BLK: variants seen among roughly 807,000 people sequenced by gnomAD.
The protein encoded by BLK is BLK proto-oncogene, Src family tyrosine kinase, also known as tyrosine-protein kinase Blk.
Under a neutral mutation model 61.8 loss-of-function variants are expected in BLK, and 64 were observed. That is an observed-to-expected ratio of 1.03 (90% CI 0.85 to 1.27). BLK has a LOEUF of 1.27. Ranked by LOEUF, BLK falls within the 50% of genes most tolerant of loss-of-function variation. The probability of loss-of-function intolerance (pLI) is 0.00; values close to 1 mark genes in which losing one functional copy is unlikely to be tolerated. For missense variants in BLK, 853 were observed against 660.5 expected, an observed-to-expected ratio of 1.29 and a Z score of -3.19; for synonymous variants, 351 against 272.0, an observed-to-expected ratio of 1.29 and a Z score of -2.86.
At chr8:11,505,683 T>C (rs1798745758) in intron 1 of BLK, among the ~76,000 whole-genome samples, 1 of 152,186 alleles carries the variant, frequency 6.6e-6, no homozygotes, top group African/African-American at 2.4e-5. Flanking sequence ...AAAACTCAAA[T>C]GTGGCCCTAT....
At chr8:11,560,608 C>G (rs1801464045) in intron 10 of BLK, 1 of 337,636 alleles carries the variant, frequency 3.0e-6, no homozygotes, top group South Asian at 2.3e-5. Flanking sequence ...CCAAGTAGCA[C>G]CAGCTGCTAT....
intron 1 of BLK, among the ~76,000 whole-genome samples, chr8:11,536,493 C>T (rs1196296463): frequency 2.6e-5 from 4 of 152,166 alleles, no homozygotes; most frequent in Non-Finnish European, 2.9e-5. Flanking sequence ...TGGTTTCAAG[C>T]GATTCTCCCA....
chr8:11,502,542 C>G (rs1160965058), intron 1 of BLK, among the ~76,000 whole-genome samples: 1 of 152,180 alleles, frequency 6.6e-6, no homozygotes, highest in African/African-American at 2.4e-5. Context: ...CCCAGTTCGG[C>G]CTCCCAAACT....
At chr8:11,550,294 C>T in intron 6 of BLK, 32 bp downstream of exon 6, 1 of 1,599,972 alleles carries the variant, frequency 6.3e-7, no homozygotes, top group Non-Finnish European at 8.6e-7. Context: ...GCCTTCCTTG[C>T]CCTGCTCCTC....
At chr8:11,556,093 G>A (rs773773265) in intron 8 of BLK, 4 of 226,646 alleles carry the variant, frequency 1.8e-5, no homozygotes, top group Admixed American at 5.2e-5. Context: ...GGTGCTTTTG[G>A]CAGGAGCTGT....
chr8:11,529,021 T>C (rs1015544994), intron 1 of BLK, among the ~76,000 whole-genome samples: 7 of 152,110 alleles, frequency 4.6e-5, no homozygotes, highest in Non-Finnish European at 7.4e-5. Context: ...GATGGGTTGA[T>C]AGGTGCAGCA....
At chr8:11,509,528 G>C (rs4629826) in intron 1 of BLK, 13,982 of 152,240 alleles carry the variant, frequency 0.092, 777 homozygotes, top group African/African-American at 0.11. Flanking sequence ...GGATGTGACT[G>C]CGCCCTTGCC....
intron 8 of BLK, chr8:11,556,027 C>G (rs139450640): frequency 5.9e-5 from 15 of 254,130 alleles, no homozygotes; most frequent in Admixed American, 3.0e-4. Context: ...GTCCATGAGT[C>G]CTCCCTTACC....
intron 1 of BLK, among the ~76,000 whole-genome samples, chr8:11,506,742 G>A (rs921761397): frequency 3.3e-5 from 5 of 152,146 alleles, no homozygotes; most frequent in Non-Finnish European, 5.9e-5. Flanking sequence ...AGAATGTCAT[G>A]TCAGCCTCTG....
At chr8:11,512,783 C>G (rs1301986836) in intron 1 of BLK, among the ~76,000 whole-genome samples, 6 of 152,180 alleles carry the variant, frequency 3.9e-5, no homozygotes, top group African/African-American at 1.4e-4. Context: ...GCTGTCTCAG[C>G]CTCTTGAGTA....
In BLK at chr8:11,564,589, C is replaced by T. The variant is rs566113122; in HGVS notation, c.*481C>T. Reference sequence around the variant, plus strand: ...GCGGGGCTTTTCTGCAATAAAGTCACGAGCGTTCGAGCTGTTCCGTGTCGT... The same window carrying T: ...GCGGGGCTTTTCTGCAATAAAGTCATGAGCGTTCGAGCTGTTCCGTGTCGT... On this transcript the variant is annotated 3_prime_UTR_variant, in exon 13 of 13. Coordinates refer to ENST00000259089, the MANE Select transcript of BLK (RefSeq NM_001715.3). 3 of 412,280 alleles carry T rather than the reference C, an allele frequency of 7.3e-6. No individual in the cohort carries two copies. The highest frequency in any genetic ancestry group is 1.5e-5 in the Non-Finnish European group (3 of 202,624). The allele number at this position is 412,280 out of a possible 1,614,324, so 25.5% of individuals were successfully genotyped here.
Position 11,543,239 on chromosome 8 carries a change from T to C in BLK, c.15T>C (p.Ser5=), listed in dbSNP as rs1436327506. 4 of 1,613,650 alleles carry C rather than the reference T, an allele frequency of 2.5e-6. No homozygotes were observed. The South Asian group carries it at 3.3e-5, about 13-fold the overall frequency. The change falls in exon 2 of 13, where the codon AGT becomes AGC. Residue 5 remains serine (S), a synonymous_variant. Coordinates refer to ENST00000259089, the MANE Select transcript of BLK (RefSeq NM_001715.3). ...TCTCCGACAGGATGGGGCTGGTAAGTAGCAAAAAGCCGGACAAGGAAAAGC... is the reference window on the plus strand; with the variant it reads ...TCTCCGACAGGATGGGGCTGGTAAGCAGCAAAAAGCCGGACAAGGAAAAGC... The part of the protein sequence containing the change: MGLV[S]SKKPDKEKPI...
At chr8:11,538,226 C>T (rs1429475760) in intron 1 of BLK, among the ~76,000 whole-genome samples, 7 of 152,176 alleles carry the variant, frequency 4.6e-5, no homozygotes, top group Non-Finnish European at 8.8e-5. Flanking sequence ...TCACACCCTT[C>T]CCACAATGCA....
chr8:11,545,778 G>C, intron 2 of BLK: 1 of 500,462 alleles, frequency 2.0e-6, no homozygotes, highest in Non-Finnish European at 3.6e-6. Flanking sequence ...CCAAGTGGTT[G>C]GGCTTTCCCT....
intron 1 of BLK, among the ~76,000 whole-genome samples, chr8:11,514,322 T>A (rs1799139432): frequency 6.6e-6 from 1 of 152,234 alleles, no homozygotes; most frequent in Non-Finnish European, 1.5e-5. Context: ...AAAACCCACT[T>A]GTCCTTTGCG....
At chr8:11,551,746 G>T (rs1433491756) in intron 6 of BLK, among the ~76,000 whole-genome samples, 2 of 152,178 alleles carry the variant, frequency 1.3e-5, no homozygotes, top group East Asian at 3.9e-4. Context: ...GGTCCCTGGT[G>T]CTCACTGGCC....
At chr8:11,549,657 G>A (rs1177091039) in intron 5 of BLK, among the ~76,000 whole-genome samples, 1 of 152,228 alleles carries the variant, frequency 6.6e-6, no homozygotes, top group Middle Eastern at 3.2e-3. Context: ...CTGAGGCCCA[G>A]CAACGAGTCT....
intron 2 of BLK, 87 bp from the exon 3 acceptor site, chr8:11,545,965 T>C: frequency 1.4e-6 from 2 of 1,418,236 alleles, no homozygotes; most frequent in Non-Finnish European, 2.0e-6. Context: ...GGAGATACCC[T>C]GGCTGCCCGG....
intron 1 of BLK, among the ~76,000 whole-genome samples, chr8:11,510,945 A>G (rs1798978826): frequency 6.6e-6 from 1 of 152,212 alleles, no homozygotes; most frequent in Non-Finnish European, 1.5e-5. Context: ...TTCTTAACTA[A>G]AGGAAATGCT....
Sources: gnomAD v4.1 joint callset for allele counts (sites outside exome capture counted in the v4.1 genomes callset) on GRCh38, gnomAD v4.1.1 for gene constraint, MANE v1.5 for transcripts, NCBI Gene and HGNC (gene_info 2026-07-23, HGNC 2026-07-21) for gene names.